Variants in EGFR observed in about 807,000 individuals in gnomAD.
EGFR encodes the protein epidermal growth factor receptor.
Under a neutral mutation model 143.0 loss-of-function variants are expected in EGFR, and 58 were observed. The observed-to-expected ratio is 0.41, with a 90% confidence interval of 0.33 to 0.50. The LOEUF is 0.50. EGFR is among the 20% of genes least tolerant of loss of function. The pLI is 0.39. For synonymous variants in EGFR, 613 were observed against 594.4 expected (o/e 1.03, Z -0.45); for missense variants, 1,307 against 1,579.0 (o/e 0.83, Z 2.92).
intron 22 of EGFR, 121 bp from the exon 23 acceptor site, chr7:55,198,596 A>T: frequency 6.7e-7 from 1 of 1,497,138 alleles, no homozygotes. Context: ...ATTGCCCAAG[A>T]CTACAGAAAT....
intron 1 of EGFR, among the ~76,000 whole-genome samples, chr7:55,135,710 A>G (rs1381906857): frequency 1.3e-5 from 2 of 152,172 alleles, no homozygotes; most frequent in African/African-American, 4.8e-5. Flanking sequence ...TTCCATTATT[A>G]CAAACTATTG....
At chr7:55,192,717 A>T in intron 21 of EGFR, 49 bp from the exon 22 acceptor site, 3 of 1,558,580 alleles carry the variant, frequency 1.9e-6, no homozygotes, top group Non-Finnish European at 2.7e-6. Flanking sequence ...TTTTTCCAAC[A>T]GAGGGAAACT....
chr7:55,149,942 T>C (rs1794946861), intron 4 of EGFR, among the ~76,000 whole-genome samples: 1 of 152,228 alleles, frequency 6.6e-6, no homozygotes. Context: ...AATTCCTGTA[T>C]ATACATAGAC....
At chr7:55,089,348 T>G (rs1180437118) in intron 1 of EGFR, among the ~76,000 whole-genome samples, 2 of 152,210 alleles carry the variant, frequency 1.3e-5, no homozygotes, top group African/African-American at 2.4e-5. Flanking sequence ...AAGGAGGGCT[T>G]GCTAGGGAGG....
intron 21 of EGFR, among the ~76,000 whole-genome samples, chr7:55,192,563 C>G (rs1334698344): frequency 2.6e-5 from 4 of 152,320 alleles, no homozygotes; most frequent in African/African-American, 9.6e-5. Context: ...AGAGGGTGCT[C>G]AGAAACCTAC....
chr7:55,038,884 G>A (rs927479956), intron 1 of EGFR, among the ~76,000 whole-genome samples: 7 of 151,636 alleles, frequency 4.6e-5, no homozygotes, highest in Admixed American at 2.0e-4. Context: ...CTTCCCTGCC[G>A]GCAGGTGCTC....
At chr7:55,112,359 C>T (rs547901380) in intron 1 of EGFR, among the ~76,000 whole-genome samples, 2 of 152,370 alleles carry the variant, frequency 1.3e-5, no homozygotes, top group East Asian at 1.9e-4. Context: ...CAACCATGAG[C>T]ACACAGCAGC....
intron 1 of EGFR, among the ~76,000 whole-genome samples, chr7:55,081,415 C>T (rs1790455791): frequency 6.6e-6 from 1 of 152,186 alleles, no homozygotes; most frequent in Non-Finnish European, 1.5e-5. Context: ...TAGACTGGAC[C>T]TGGCTTTCTT....
chr7:55,188,457 A>T (rs2128962422), intron 20 of EGFR, among the ~76,000 whole-genome samples: 1 of 152,330 alleles, frequency 6.6e-6, no homozygotes, highest in East Asian at 1.9e-4. Context: ...TGTAAGTGGA[A>T]GTTCCAGGCT....
Position 55,165,318 on chromosome 7 carries a change from C to T in EGFR, c.1761C>T (p.Asp587=), listed in dbSNP as rs766220964. 19 of 1,614,058 alleles carry T rather than the reference C, an allele frequency of 1.2e-5. No homozygotes were observed. The highest frequency in any genetic ancestry group is 9.3e-5 in the African/African-American group (7 of 74,916). The part of the protein sequence containing the change: ...DNCIQCAHYI[D]GPHCVKTCPA... ...GTATCCAGTGTGCCCACTACATTGACGGCCCCCACTGCGTCAAGACCTGCC... is the reference window on the plus strand; with the variant it reads ...GTATCCAGTGTGCCCACTACATTGATGGCCCCCACTGCGTCAAGACCTGCC... Residue 587 remains aspartate (D), a synonymous_variant, in exon 15 of 28, where the codon GAC becomes GAT. Coordinates refer to ENST00000275493, the MANE Select transcript of EGFR (RefSeq NM_005228.5).
intron 1 of EGFR, among the ~76,000 whole-genome samples, chr7:55,042,440 C>T (rs771649945): frequency 4.6e-5 from 7 of 152,190 alleles, no homozygotes; most frequent in Non-Finnish European, 8.8e-5. Context: ...TGGAATTTCA[C>T]GGACAAGAAA....
intron 1 of EGFR, among the ~76,000 whole-genome samples, chr7:55,086,576 G>T (rs1055174898): frequency 6.6e-6 from 1 of 152,098 alleles, no homozygotes; most frequent in African/African-American, 2.4e-5. Context: ...TTAATTTCAT[G>T]CCCTGCCCAG....
At chr7:55,172,896 A>G (rs1278471859) in intron 16 of EGFR, 87 bp from the exon 17 acceptor site, 2 of 1,612,394 alleles carry the variant, frequency 1.2e-6, no homozygotes, top group Non-Finnish European at 1.7e-6. Context: ...ATGTCAGTGC[A>G]CTGAAACATG....
At chr7:55,025,352 G>A (rs1786819466) in intron 1 of EGFR, among the ~76,000 whole-genome samples, 1 of 152,138 alleles carries the variant, frequency 6.6e-6, no homozygotes, top group South Asian at 2.1e-4. Context: ...AGAACTGGTT[G>A]ATAAGTATAT....
At chr7:55,054,880 C>T (rs1788706529) in intron 1 of EGFR, among the ~76,000 whole-genome samples, 1 of 152,220 alleles carries the variant, frequency 6.6e-6, no homozygotes, top group Non-Finnish European at 1.5e-5. Context: ...AGGCAGAGCA[C>T]TCACCAGCAG....
intron 1 of EGFR, among the ~76,000 whole-genome samples, chr7:55,052,006 C>T (rs1174451179): frequency 6.6e-6 from 1 of 152,210 alleles, no homozygotes; most frequent in Non-Finnish European, 1.5e-5. Flanking sequence ...GCTTCCTTCA[C>T]CCATGTGCCC....
At chr7:55,037,085 G>A (rs1246760568) in intron 1 of EGFR, among the ~76,000 whole-genome samples, 1 of 152,218 alleles carries the variant, frequency 6.6e-6, no homozygotes, top group Non-Finnish European at 1.5e-5. Context: ...AGCATTCTGA[G>A]CCCTGATCCT....
chr7:55,173,065 A>G lies in EGFR; in HGVS notation c.2002A>G (p.Met668Val), dbSNP rs746757722. 6.2e-7 allele frequency: 1 copy of G among 1,613,560 alleles called. No homozygotes were observed. The highest frequency in any genetic ancestry group is 8.5e-7 in the Non-Finnish European group (1 of 1,180,032). Residue 668 changes from methionine (M) to valine (V), a missense_variant, in exon 17 of 28, where the codon ATG (methionine) becomes GTG (valine). Met to Val is a conservative substitution (Grantham distance 21). Coordinates refer to ENST00000275493, the MANE Select transcript of EGFR (RefSeq NM_005228.5). ...LVVALGIGLF[M>V]RRRHIVRKRT... ...GGTGGCCCTGGGGATCGGCCTCTTC[A>G]TGCGAAGGCGCCACATCGTTCGGAA...
intron 14 of EGFR, 53 bp from the exon 15 acceptor site, chr7:55,165,227 T>A: frequency 6.2e-7 from 1 of 1,612,870 alleles, no homozygotes; most frequent in Non-Finnish European, 8.5e-7. Context: ...ACTTCCATTT[T>A]GAAAGAGAAA....
Sources: allele counts gnomAD v4.1 joint callset (sites outside exome capture counted in the v4.1 genomes callset), GRCh38; gene constraint gnomAD v4.1.1; transcripts MANE v1.5; gene names NCBI Gene and HGNC (gene_info 2026-07-23, HGNC 2026-07-21).